The following EP300 variants were observed in gnomAD, a reference collection of about 807,000 sequenced individuals.
EP300 encodes the protein EP300 lysine acetyltransferase, also known as histone acetyltransferase p300.
Under a neutral mutation model 264.0 loss-of-function variants are expected in EP300, and 31 were observed. The observed-to-expected ratio is 0.12, with a 90% CI of 0.09 to 0.16. The LOEUF (loss-of-function observed/expected upper bound fraction) is 0.16. Among genes scored for constraint, EP300 ranks in the 10% least tolerant of loss-of-function variants. The pLI is 1.00. For missense variants in EP300, 2,766 were observed against 3,052.9 expected (o/e 0.91, Z 2.21); for synonymous variants, 1,340 against 1,045.4 (o/e 1.28, Z -5.44).
At chr22:41,117,087 G>C in intron 1 of EP300, 100 bp from the exon 2 acceptor site, 6 of 1,041,282 alleles carry the variant, frequency 5.8e-6, no homozygotes, top group Non-Finnish European at 5.9e-6. Context: ...ATGGAGTGAG[G>C]TTGGGAAATG....
In EP300 at chr22:41,172,660, A is replaced by T. The variant is rs2145770558; in HGVS notation, c.4614A>T (p.Thr1538=). ...AGGAAAACACCAGCAATGAAAGCACAGATGTAAGGGCATTGAGTTTCCTTT... is the reference window on the plus strand; with the variant it reads ...AGGAAAACACCAGCAATGAAAGCACTGATGTAAGGGCATTGAGTTTCCTTT... ...KREENTSNES[T]DVTKGDSKNA... is the part of the protein sequence containing the mutation. Residue 1538 remains threonine, a synonymous_variant, in exon 28 of 31, where the codon ACA becomes ACT. Transcript: ENST00000263253. The T allele has an allele frequency of 3.7e-6, 6 of 1,612,592 alleles. No individual in the cohort carries two copies. The highest frequency in any genetic ancestry group is 5.1e-6 in the Non-Finnish European group (6 of 1,179,060).
At position 41,131,506 on chromosome 22, in the gene EP300, C is replaced by T. The variant is rs12628803; in HGVS notation, c.1401C>T (p.Ala467=). ...SQIDPSSIER[A]YAALGLPYQV... ...TTGATCCCAGCTCCATAGAAAGAGCCTATGCAGCTCTTGGACTACCCTATC... is the reference window on the plus strand; with the variant it reads ...TTGATCCCAGCTCCATAGAAAGAGCTTATGCAGCTCTTGGACTACCCTATC... The change falls in exon 6 of 31, where the codon GCC becomes GCT. Residue 467 remains alanine (A), a synonymous_variant. Coordinates refer to ENST00000263253, the MANE Select transcript of EP300 (RefSeq NM_001429.4). The T allele has an allele frequency of 1.2e-6, 2 of 1,614,100 alleles. No homozygotes were observed. The highest frequency in any genetic ancestry group is 1.7e-5 in the Admixed American group (1 of 60,006).
Position 41,178,115 on chromosome 22 carries a change from C to T in EP300, c.6404C>T (p.Pro2135Leu). ...HSNPAMQNMN[P>L]MQAGVQRAGL... ...AATCCAGCCATGCAGAACATGAATCCAATGCAGGCGGGCGTTCAGAGGGCT... is the reference window on the plus strand; with the variant it reads ...AATCCAGCCATGCAGAACATGAATCTAATGCAGGCGGGCGTTCAGAGGGCT... The change falls in exon 31 of 31, where the codon CCA (proline) becomes CTA (leucine). Residue 2135 changes from proline (P) to leucine (L), a missense_variant. Coordinates refer to ENST00000263253, the MANE Select transcript of EP300 (RefSeq NM_001429.4). 1 of 1,614,154 alleles carries T rather than the reference C, an allele frequency of 6.2e-7. No individual in the cohort carries two copies.
rs550007969 is a variant in EP300 at position 41,150,251 on chromosome 22, A to G, written c.2817+53A>G. ...ATCATTAGAGCTATACTGTAGTATT[A>G]TATTACTTCTGGGCCATTTCCATTC... On this transcript the variant is annotated intron_variant, in intron 14 of 30. Coordinates refer to ENST00000263253, the MANE Select transcript of EP300 (RefSeq NM_001429.4). 10 of 1,525,516 alleles carry G rather than the reference A, an allele frequency of 6.6e-6. No individual in the cohort carries two copies. In the African/African-American group the frequency reaches 6.8e-5, roughly 10 times the overall value. The allele number at this position is 1,525,516 out of a possible 1,614,324, so 94.5% of individuals were successfully genotyped here. A position where few individuals can be genotyped will look rare whatever the true frequency, so the allele number is the denominator to read the frequency against.
At chr22:41,143,413 C>G (rs970578303) in intron 10 of EP300, among the ~76,000 whole-genome samples, 1 of 152,200 alleles carries the variant, frequency 6.6e-6, no homozygotes, top group Non-Finnish European at 1.5e-5. Context: ...GATTGTGCCA[C>G]TGCACTTAAG....
intron 23 of EP300, among the ~76,000 whole-genome samples, chr22:41,167,584 G>GTATGTATATA (rs2059143930): frequency 2.9e-5 from 1 of 34,502 alleles, no homozygotes; most frequent in African/African-American, 1.6e-4. Context: ...GTGTGTGTGT[G>GTATGTATATA]TATATATATA....
chr22:41,172,843 A>G (rs2059178615), intron 28 of EP300, among the ~76,000 whole-genome samples, 180 bp downstream of exon 28: 1 of 152,226 alleles, frequency 6.6e-6, no homozygotes, highest in South Asian at 2.1e-4. Context: ...TTAAACTTTT[A>G]AAGCATCAGA....
chr22:41,092,979 C>G lies in EP300; in HGVS notation c.-26C>G, dbSNP rs1425051947. 3 of 1,613,174 alleles carry G rather than the reference C, an allele frequency of 1.9e-6. No homozygotes were observed. Among genetic ancestry groups the G allele is most frequent in the Non-Finnish European group, 2.5e-6 (3 of 1,179,156 alleles). ...ATTTCCTGAGGATTCTGGTTTTCCT[C>G]GCTTGTATCTCCGAAAGAATTAAAA... On this transcript the variant is annotated 5_prime_UTR_variant, in exon 1 of 31. Transcript: ENST00000263253.
At chr22:41,163,992 T>C (rs2059121802) in intron 21 of EP300, 61 bp from the exon 22 acceptor site, 11 of 1,464,704 alleles carry the variant, frequency 7.5e-6, no homozygotes, top group African/African-American at 1.4e-5. Flanking sequence ...ATGGGAAATA[T>C]TGCAAGTTTT....
chr22:41,149,711 C>T (rs951916228), intron 13 of EP300, 50 bp from the exon 14 acceptor site: 21 of 1,579,340 alleles, frequency 1.3e-5, no homozygotes, highest in Non-Finnish European at 1.7e-5. Flanking sequence ...GTAAGTATTT[C>T]CTTAATTCTG....
chr22:41,160,148 A>G (rs1181831396), intron 19 of EP300: 1 of 163,562 alleles, frequency 6.1e-6, no homozygotes, highest in Admixed American at 5.9e-5. Flanking sequence ...CCTCCTTTTG[A>G]TTATTTACAT....
At chr22:41,124,445 G>A (rs1251103552) in intron 2 of EP300, among the ~76,000 whole-genome samples, 6 of 152,124 alleles carry the variant, frequency 3.9e-5, no homozygotes, top group Non-Finnish European at 2.9e-5. Flanking sequence ...ACACAAAAAA[G>A]GACATATTCC....
chr22:41,094,912 C>T (rs1026638270), intron 1 of EP300, among the ~76,000 whole-genome samples: 19 of 152,096 alleles, frequency 1.2e-4, no homozygotes, highest in African/African-American at 3.1e-4. Context: ...TTCTCCATGT[C>T]GGTCTGTTTT....
At chr22:41,140,820 A>T (rs1373381214) in intron 9 of EP300, among the ~76,000 whole-genome samples, 1 of 152,114 alleles carries the variant, frequency 6.6e-6, no homozygotes. Flanking sequence ...CTGAGCTGTT[A>T]CCAGCTGTGT....
chr22:41,159,833 C>G (rs889637237), intron 19 of EP300: 1 of 152,118 alleles, frequency 6.6e-6, no homozygotes, highest in Admixed American at 6.6e-5. Context: ...TGCCACCATG[C>G]CTTGCTTATT....
rs2059213094 is a variant in EP300, at chr22:41,178,049, T to C, written c.6338T>C (p.Leu2113Pro). The C allele has an allele frequency of 1.9e-6, 3 of 1,614,104 alleles. No individual in the cohort carries two copies. Among genetic ancestry groups the C allele is most frequent in the Non-Finnish European group, 2.5e-6 (3 of 1,180,014 alleles). ...QPGMPQGQPG[L>P]QPPTMPGQQG... is the part of the protein sequence containing the mutation. ...GGCATGCCCCAGGGGCAGCCAGGGC[T>C]ACAGCCACCTACCATGCCAGGTCAG... The change falls in exon 31 of 31, where the codon CTA (leucine) becomes CCA (proline). Residue 2113 changes from leucine to proline, a missense_variant. Transcript: ENST00000263253.
intron 16 of EP300, among the ~76,000 whole-genome samples, chr22:41,154,287 C>T (rs1352373213): frequency 6.7e-6 from 1 of 150,276 alleles, no homozygotes; most frequent in Non-Finnish European, 1.5e-5. Flanking sequence ...AGTCTAGTTT[C>T]TGACTTGTTA....
chr22:41,142,540 G>A (rs2058988806), intron 10 of EP300, among the ~76,000 whole-genome samples: 1 of 152,122 alleles, frequency 6.6e-6, no homozygotes, highest in Admixed American at 6.5e-5. Flanking sequence ...CAAGATTAGA[G>A]TTGAGACTGC....
intron 17 of EP300, 116 bp downstream of exon 17, chr22:41,155,229 T>A (rs1442391616): frequency 4.7e-6 from 4 of 849,738 alleles, no homozygotes; most frequent in East Asian, 2.6e-5. Context: ...ATTCAGTGAT[T>A]TTTTTTTTTT....
Sources: allele counts gnomAD v4.1 joint callset (sites outside exome capture counted in the v4.1 genomes callset), GRCh38; gene constraint gnomAD v4.1.1; transcripts MANE v1.5; gene names NCBI Gene and HGNC (gene_info 2026-07-23, HGNC 2026-07-21).